CDH3: variants seen among roughly 807,000 people sequenced by gnomAD.
CDH3 encodes cadherin-3.
In CDH3, 54 loss-of-function variants were observed where a neutral mutation model predicts 82.0. That is an observed-to-expected ratio of 0.66 (90% CI 0.53 to 0.83). The LOEUF (loss-of-function observed/expected upper bound fraction) is 0.83. Among genes scored for constraint, CDH3 ranks in the 40% least tolerant of loss-of-function variants. CDH3 has a pLI of 0.00. For missense variants in CDH3, 1,054 were observed against 1,084.6 expected (o/e 0.97, Z 0.40); for synonymous variants, 446 against 437.9 (o/e 1.02, Z -0.23).
chr16:68,683,516 G>T (rs1440165916), intron 9 of CDH3, among the ~76,000 whole-genome samples: 2 of 151,668 alleles, frequency 1.3e-5, no homozygotes, highest in Non-Finnish European at 1.5e-5. Context: ...GCTGGGCGTG[G>T]TGGCAGGCGC....
At chr16:68,717,759 G>A (rs535632795) in intron 1 of CDH3, among the ~76,000 whole-genome samples, 1 of 149,166 alleles carries the variant, frequency 6.7e-6, no homozygotes, top group Admixed American at 6.8e-5. Context: ...GGGGATAAGA[G>A]CGAGACATCC....
At chr16:68,732,054 T>TTG (rs1335721650), downstream of CDH3, among the ~76,000 whole-genome samples, 4 of 151,556 alleles carry the variant, frequency 2.6e-5, no homozygotes, top group Non-Finnish European at 5.9e-5. Flanking sequence ...TAAAACTGTT[T>TTG]TTTTTTTTTT....
downstream of CDH3, among the ~76,000 whole-genome samples, chr16:68,703,944 C>T (rs1003771634): frequency 2.0e-5 from 3 of 150,754 alleles, no homozygotes; most frequent in African/African-American, 4.9e-5. Flanking sequence ...GAGACTCCGT[C>T]TCAAATAATA....
chr16:68,683,373 C>T (rs185637230), intron 9 of CDH3, among the ~76,000 whole-genome samples: 7 of 151,826 alleles, frequency 4.6e-5, no homozygotes, highest in Non-Finnish European at 1.5e-5. Flanking sequence ...AAATCCAGAC[C>T]GGGTGCTGTG....
At chr16:68,703,712 C>T (rs1170584163), downstream of CDH3, among the ~76,000 whole-genome samples, 1 of 151,984 alleles carries the variant, frequency 6.6e-6, no homozygotes, top group East Asian at 1.9e-4. Flanking sequence ...TTTGGGAGGC[C>T]GAGGCGGGTG....
intron 1 of CDH3, among the ~76,000 whole-genome samples, chr16:68,708,642 T>C (rs1597827253): frequency 1.2e-5 from 1 of 84,954 alleles, no homozygotes; most frequent in African/African-American, 4.0e-5. Context: ...TTTCTTTTTC[T>C]TTTTTTTTTT....
chr16:68,678,012 G>A (rs1185587666), intron 3 of CDH3, 122 bp from the exon 4 acceptor site: 16 of 905,544 alleles, frequency 1.8e-5, no homozygotes. Context: ...CCCTCCCAAA[G>A]TACTGGGATT....
Position 68,645,364 on chromosome 16 carries a change from C to T in CDH3, c.-16C>T. ...CCCGCCGTCGCGGCAGCTGCTTCAC[C>T]CCTCTCTCTGCAGCCATGGGGCTCC... is the stretch of plus-strand genomic sequence containing the variant. On this transcript the variant is annotated 5_prime_UTR_variant, in exon 1 of 16. Transcript: ENST00000264012. 1 of 1,612,716 alleles carries T rather than the reference C, an allele frequency of 6.2e-7. No individual in the cohort carries two copies. Among genetic ancestry groups the T allele is most frequent in the Non-Finnish European group, 8.5e-7 (1 of 1,179,442 alleles).
intron 15 of CDH3, chr16:68,696,153 C>G (rs542367774): frequency 1.8e-6 from 1 of 561,002 alleles, no homozygotes; most frequent in Non-Finnish European, 3.3e-6. Context: ...GGGCACGGTG[C>G]CTCACGCCTG....
intron 2 of CDH3, chr16:68,646,267 A>G (rs1960059340): frequency 6.3e-6 from 1 of 159,474 alleles, no homozygotes; most frequent in South Asian, 1.9e-4. Flanking sequence ...TGCACTCTTA[A>G]CCCTGCTCTT....
At chr16:68,691,656 C>A in intron 12 of CDH3, 64 bp from the exon 13 acceptor site, 1 of 1,282,482 alleles carries the variant, frequency 7.8e-7, no homozygotes, top group Non-Finnish European at 1.1e-6. Flanking sequence ...AAACTTTCTT[C>A]ATGGTGTACT....
chr16:68,711,216 A>G (rs1251948594), intron 1 of CDH3, among the ~76,000 whole-genome samples: 1 of 151,376 alleles, frequency 6.6e-6, no homozygotes, highest in Non-Finnish European at 1.5e-5. Flanking sequence ...AGGCTGAGGC[A>G]GGAGAATCGC....
intron 13 of CDH3, among the ~76,000 whole-genome samples, chr16:68,694,731 C>T (rs1226660132): frequency 3.3e-5 from 5 of 152,076 alleles, no homozygotes; most frequent in Admixed American, 6.6e-5. Flanking sequence ...AATTAGGGGA[C>T]ATCTGGTGAC....
At chr16:68,722,133 C>A (rs2152111356) in intron 1 of CDH3, among the ~76,000 whole-genome samples, 1 of 152,276 alleles carries the variant, frequency 6.6e-6, no homozygotes, top group East Asian at 1.9e-4. Flanking sequence ...GCTTATTGCT[C>A]TGGGTTGTAA....
chr16:68,654,402 TTTTTTTTTTTTTTTTTG>T (rs1172643478), intron 2 of CDH3, among the ~76,000 whole-genome samples: 6 of 71,034 alleles, frequency 8.4e-5, no homozygotes, highest in Admixed American at 4.1e-4. Flanking sequence ...TTTTTTTTTT[TTTTTTTTTTTTTTTTTG>T]CGGCTGGGTG....
intron 2 of CDH3, among the ~76,000 whole-genome samples, chr16:68,655,067 G>A (rs1311393097): frequency 1.3e-5 from 2 of 151,626 alleles, no homozygotes; most frequent in South Asian, 4.2e-4. Context: ...AATAGAGAAG[G>A]GGTCTGACTA....
At chr16:68,661,155 C>T (rs904441325) in intron 2 of CDH3, among the ~76,000 whole-genome samples, 2 of 152,082 alleles carry the variant, frequency 1.3e-5, no homozygotes, top group East Asian at 1.9e-4. Flanking sequence ...ATTTGCATTT[C>T]TTCACACTTT....
intron 2 of CDH3, chr16:68,651,430 C>CACATTTGTTGAG (rs1960241368): frequency 4.8e-6 from 2 of 420,496 alleles, no homozygotes; most frequent in Non-Finnish European, 9.3e-6. Flanking sequence ...GACTGGCTTG[C>CACATTTGTTGAG]ACATTTGTTG....
Position 68,646,004 on chromosome 16 carries a change from G to T in CDH3, c.160+254G>T, listed in dbSNP as rs1356105666. 7.5e-6 allele frequency: 4 copies of T among 532,440 alleles called. No homozygotes were observed. In the African/African-American group the frequency reaches 7.7e-5, roughly 10 times the overall value. The allele number at this position is 532,440 out of a possible 1,614,324, so 33.0% of individuals were successfully genotyped here. A position where few individuals can be genotyped will look rare whatever the true frequency, so the allele number is the denominator to read the frequency against. The stretch of plus-strand genomic sequence containing the variant: ...CCTTGACCCCCTCCTCCGAGATGCC[G>T]GATGGCTGAGCCCCTCACCCAGTCT... On this transcript the variant is annotated intron_variant, in intron 2 of 15. Coordinates refer to ENST00000264012, the MANE Select transcript of CDH3 (RefSeq NM_001793.6).
Sources: allele counts gnomAD v4.1 joint callset (sites outside exome capture counted in the v4.1 genomes callset), GRCh38; gene constraint gnomAD v4.1.1; transcripts MANE v1.5; gene names NCBI Gene and HGNC (gene_info 2026-07-23, HGNC 2026-07-21).